FZR1: variants seen among roughly 807,000 people sequenced by gnomAD.
FZR1 encodes fizzy and cell division cycle 20 related 1, also known as fizzy-related protein homolog.
A neutral mutation model predicts 63.6 loss-of-function variants in FZR1; 11 were observed. That is an observed-to-expected ratio of 0.17 (90% CI 0.11 to 0.29). The LOEUF is 0.29. Ranked by LOEUF, FZR1 falls within the 10% of genes least tolerant of loss-of-function variation. The probability of loss-of-function intolerance (pLI) is 1.00; values close to 1 mark genes in which losing one functional copy is unlikely to be tolerated. For missense variants in FZR1, 440 were observed against 687.5 expected (o/e 0.64, Z 4.03); for synonymous variants, 328 against 297.9 (o/e 1.10, Z -1.04).
chr19:3,514,278 C>A lies in FZR1; in HGVS notation c.-35+7804C>A, dbSNP rs1256695639. On this transcript the variant is annotated intron_variant, in intron 1 of 13. Transcript: ENST00000441788. This position sits in a 1 kb window ranked among gnomAD's most constrained non-coding sequence, Gnocchi z 4.2. Reference sequence around the variant, plus strand: ...CCCCACTGGTGCAGTGGGGATGGGGCTGGGGATGCCTGGCCACACTCTGCA... The same window carrying A: ...CCCCACTGGTGCAGTGGGGATGGGGATGGGGATGCCTGGCCACACTCTGCA... Among the ~76,000 whole-genome samples the A allele has an allele frequency of 2.6e-5, 4 of 152,188 alleles. No homozygotes were observed. Among genetic ancestry groups the A allele is most frequent in the South Asian group, 2.1e-4 (1 of 4,832 alleles).
intron 1 of FZR1, among the ~76,000 whole-genome samples, chr19:3,506,969 G>T (rs893694710): frequency 1.3e-5 from 2 of 152,070 alleles, no homozygotes; most frequent in Non-Finnish European, 2.9e-5. Context: ...TGAGCCTGTG[G>T]TGTGCGATGG....
chr19:3,507,797 CG>C (rs1190014184), intron 1 of FZR1, among the ~76,000 whole-genome samples: 1 of 152,186 alleles, frequency 6.6e-6, no homozygotes, highest in African/African-American at 2.4e-5. Flanking sequence ...GTCTGTCATG[CG>C]GAATTCCGCG....
chr19:3,532,357 G>A, intron 10 of FZR1, 60 bp from the exon 11 acceptor site: 1 of 1,359,552 alleles, frequency 7.4e-7, no homozygotes, highest in Non-Finnish European at 1.0e-6. Context: ...CACCTGTGAG[G>A]ACCGGCCTAT....
At chr19:3,511,133 C>G (rs1415951677) in intron 1 of FZR1, among the ~76,000 whole-genome samples, 1 of 152,272 alleles carries the variant, frequency 6.6e-6, no homozygotes, top group Non-Finnish European at 1.5e-5. Context: ...ACGTGGGGCA[C>G]TGCAGCCTTT....
chr19:3,530,943 G>A (rs1041198552), intron 8 of FZR1, 86 bp downstream of exon 8: 15 of 1,034,288 alleles, frequency 1.5e-5, no homozygotes, highest in Middle Eastern at 2.3e-4. Context: ...AGAGGGTCTA[G>A]TGCGTGGCCT....
At chr19:3,531,638 C>T (rs562150396) in intron 8 of FZR1, 76 bp from the exon 9 acceptor site, 328 of 1,002,630 alleles carry the variant, frequency 3.3e-4, no homozygotes, top group South Asian at 6.0e-5. Context: ...GAGAGCCTGG[C>T]GCGACCAACG....
At position 3,526,188 on chromosome 19, in the gene FZR1, G is replaced by A; in HGVS notation, c.259+5G>A. Reference sequence around the variant, plus strand: ...CCACCTCAGACAACGGCAAAGGTTAGGGTCCCAGCCCATCCGCCCTGCAGG... The same window carrying A: ...CCACCTCAGACAACGGCAAAGGTTAAGGTCCCAGCCCATCCGCCCTGCAGG... On this transcript the variant is annotated splice_donor_5th_base_variant and intron_variant, in intron 4 of 13. Transcript: ENST00000441788. The surrounding 1 kb of genome is among the most constrained non-coding windows in gnomAD (Gnocchi z 5.4). 6.2e-7 allele frequency: 1 copy of A among 1,612,552 alleles called. No individual in the cohort carries two copies. Among genetic ancestry groups the A allele is most frequent in the East Asian group, 2.2e-5 (1 of 44,872 alleles).
rs1162737978 is a variant in FZR1, at chr19:3,530,283, T to G, written c.655-509T>G. 6.6e-4 allele frequency among the ~76,000 whole-genome samples: 82 copies of G among 124,834 alleles called. 4 individuals carry two copies. The highest frequency in any genetic ancestry group is 1.1e-3 in the East Asian group (5 of 4,538). The allele number at this position is 124,834 out of a possible 152,430, so 81.9% of individuals were successfully genotyped here. ...ATGGGAGAGCGGATGGGAGAGCGGA[T>G]GGGAGAGCGCAGGGGAGAGCGGAGG... On this transcript the variant is annotated intron_variant, in intron 7 of 13. Transcript: ENST00000441788.
At chr19:3,531,870 A>T in intron 9 of FZR1, 41 bp from the exon 10 acceptor site, 1 of 1,562,320 alleles carries the variant, frequency 6.4e-7, no homozygotes, top group Non-Finnish European at 8.7e-7. Flanking sequence ...CAGCTCCGCG[A>T]GGGCAGGAGA....
Position 3,514,129 on chromosome 19 carries a change from C to T in FZR1, c.-35+7655C>T, listed in dbSNP as rs1431056631. ...GTGCTGTTCCCAGGCCCTGTCTACA[C>T]GGCAGACAGCCCCTCACGCTTTGCG... On this transcript the variant is annotated intron_variant, in intron 1 of 13. Transcript: ENST00000441788. The surrounding 1 kb of genome is among the most constrained non-coding windows in gnomAD (Gnocchi z 4.2). Among the ~76,000 whole-genome samples, 2 of 152,150 alleles carry T rather than the reference C, an allele frequency of 1.3e-5. No individual in the cohort carries two copies. The highest frequency in any genetic ancestry group is 6.5e-5 in the Admixed American group (1 of 15,282).
chr19:3,534,183 G>A (rs1012677142), intron 12 of FZR1: 6 of 429,710 alleles, frequency 1.4e-5, no homozygotes, highest in Admixed American at 1.3e-4. Context: ...TTGCCCCACT[G>A]CACACTCCAG....
At position 3,523,005 on chromosome 19, in the gene FZR1, G is replaced by A. The variant is rs1316114147; in HGVS notation, c.16G>A (p.Glu6Lys). 1.9e-6 allele frequency: 3 copies of A among 1,611,780 alleles called. No homozygotes were observed. Among genetic ancestry groups the A allele is most frequent in the South Asian group, 1.1e-5 (1 of 91,062 alleles). ...CTGCCTCGCCATGGACCAGGACTAT[G>A]AGCGGCGCCTGCTTCGCCAGATCGT... is the stretch of plus-strand genomic sequence containing the variant. MDQDYERRLLRQIVIQ... is the reference protein window; with the variant it reads MDQDYKRRLLRQIVIQ... The change falls in exon 2 of 14, where the codon GAG (glutamate) becomes AAG (lysine). Residue 6 changes from glutamate (E) to lysine (K), a missense_variant. Physicochemically the swap from Glu to Lys is moderately conservative, Grantham distance 56. Transcript: ENST00000441788.
chr19:3,538,325 C>G lies in FZR1; in HGVS notation c.*3489C>G. The G allele has an allele frequency of 5.3e-6, 1 of 188,534 alleles. No individual in the cohort carries two copies. The allele number at this position is 188,534 out of a possible 1,614,324, so 11.7% of individuals were successfully genotyped here. A position where few individuals can be genotyped will look rare whatever the true frequency, so the allele number is the denominator to read the frequency against. On this transcript the variant is annotated 3_prime_UTR_variant, in exon 14 of 14. Coordinates refer to ENST00000441788, the MANE Select transcript of FZR1 (RefSeq NM_016263.4). ...TGTGGTAAAATACAAAATCTACCGT[C>G]TTACAGTGAGGTGGCGTTCAGTACC...
rs2083114120 is a variant in FZR1 at position 3,522,713 on chromosome 19, CTTTCCCGGGCAGGA to C, written c.-34-242_-34-229del. Among the ~76,000 whole-genome samples the C allele has an allele frequency of 2.0e-5, 3 of 152,350 alleles. No homozygotes were observed. In the East Asian group the frequency reaches 5.8e-4, roughly 29 times the overall value. On this transcript the variant is annotated intron_variant, in intron 1 of 13. Transcript: ENST00000441788. ...CTGGGGCCTCCAGGGCAGAAAGCCC[CTTTCCCGGGCAGGA>C]GGACAGGGTGTGGATATACAGGCTG...
At chr19:3,507,743 G>T (rs555128429) in intron 1 of FZR1, among the ~76,000 whole-genome samples, 63 of 152,384 alleles carry the variant, frequency 4.1e-4, no homozygotes, top group Middle Eastern at 3.4e-3. Flanking sequence ...AGAAGCTGAC[G>T]GCATCACCTA....
chr19:3,527,950 GCCTCCCAGCCACAGC>G (rs1018441556), intron 7 of FZR1, 136 bp downstream of exon 7: 18 of 592,636 alleles, frequency 3.0e-5, no homozygotes, highest in Non-Finnish European at 4.7e-5. Context: ...GGGCCTCCCA[GCCTCCCAGCCACAGC>G]CCTCCCAGCC....
chr19:3,525,123 C>T lies in FZR1; in HGVS notation c.70-745C>T, dbSNP rs2083139915. ...CCACACTCCCAGGTGGCTCTGGGTA[C>T]AGCTGTTGCGTGTCTTGTGCCGTCA... On this transcript the variant is annotated intron_variant, in intron 2 of 13. Coordinates refer to ENST00000441788, the MANE Select transcript of FZR1 (RefSeq NM_016263.4). The surrounding 1 kb of genome is among the most constrained non-coding windows in gnomAD (Gnocchi z 4.2). Among the ~76,000 whole-genome samples the T allele has an allele frequency of 6.6e-6, 1 of 152,158 alleles. No individual in the cohort carries two copies. The highest frequency in any genetic ancestry group is 2.4e-5 in the African/African-American group (1 of 41,422).
chr19:3,511,800 G>A (rs182723169), intron 1 of FZR1, among the ~76,000 whole-genome samples: 7 of 152,294 alleles, frequency 4.6e-5, no homozygotes, highest in African/African-American at 7.2e-5. Flanking sequence ...TGGAAGGCAC[G>A]CTGTCCCCTG....
chr19:3,528,054 T>C (rs1204960543), intron 7 of FZR1, among the ~76,000 whole-genome samples: 4 of 133,282 alleles, frequency 3.0e-5, no homozygotes, highest in Middle Eastern at 3.3e-3. Flanking sequence ...CTCCCAGCCA[T>C]GGCCCTCCCA....
Sources: allele counts gnomAD v4.1 joint callset (sites outside exome capture counted in the v4.1 genomes callset), GRCh38; gene constraint gnomAD v4.1.1; non-coding constraint Gnocchi (gnomAD v3.1); transcripts MANE v1.5; gene names NCBI Gene and HGNC (gene_info 2026-07-23, HGNC 2026-07-21).